Variants in BET1 observed in about 807,000 individuals in gnomAD.
The protein encoded by BET1 is BET1 homolog.
Under a neutral mutation model 13.9 loss-of-function variants are expected in BET1, and 9 were observed. The ratio of observed to expected loss-of-function variants is 0.65; its 90% CI spans 0.39 to 1.13. The LOEUF is 1.13. BET1 is among the 50% of genes most tolerant of loss of function. The pLI is 0.01. For synonymous variants in BET1, 39 were observed against 47.3 expected (o/e 0.82, Z 0.72); for missense variants, 127 against 133.6 (o/e 0.95, Z 0.24).
intron 4 of BET1, among the ~76,000 whole-genome samples, chr7:93,977,986 T>G (rs745782575): frequency 7.2e-5 from 11 of 152,146 alleles, no homozygotes; most frequent in Non-Finnish European, 1.3e-4. Flanking sequence ...TACTAGCATC[T>G]GAGGCCATAA....
intron 4 of BET1, among the ~76,000 whole-genome samples, chr7:93,985,962 T>C (rs1278807829): frequency 6.6e-6 from 1 of 152,214 alleles, no homozygotes; most frequent in Non-Finnish European, 1.5e-5. Flanking sequence ...GTGGTCCTCC[T>C]GTGATACTGA....
chr7:93,992,450 T>C (rs1415670133), downstream of BET1: 1 of 985,290 alleles, frequency 1.0e-6, no homozygotes, highest in Non-Finnish European at 1.2e-6. Flanking sequence ...TTTTAAGTCA[T>C]TTTCTTTGGC....
Position 93,975,462 on chromosome 7 carries a change from T to C in BET1, c.*48+442A>G, listed in dbSNP as rs529540623. On this transcript the variant is annotated intron_variant and NMD_transcript_variant, in intron 5 of 6. Transcript: ENST00000357520. ...TTTTCCAAAATCTCTACAATGAGCA[T>C]GTGATATTTAGAAAATGCATTACTA... is the stretch of plus-strand genomic sequence containing the variant. Among the ~76,000 whole-genome samples, 15 of 152,212 alleles carry C rather than the reference T, an allele frequency of 9.9e-5. No homozygotes were observed. In the South Asian group the frequency reaches 2.7e-3, roughly 27 times the overall value.
intron 1 of BET1, among the ~76,000 whole-genome samples, chr7:94,002,376 T>C (rs760006705): frequency 3.3e-5 from 5 of 151,230 alleles, no homozygotes; most frequent in Non-Finnish European, 7.4e-5. Context: ...AAAGCCTTTG[T>C]CACTTCACAC....
chr7:93,985,089 C>T (rs139480563), intron 4 of BET1, among the ~76,000 whole-genome samples: 20 of 152,218 alleles, frequency 1.3e-4, no homozygotes, highest in African/African-American at 4.8e-4. Context: ...ATTCTCTCAC[C>T]TCTATATCTC....
At chr7:93,987,220 C>T (rs1795544769) in intron 4 of BET1, 1 of 151,884 alleles carries the variant, frequency 6.6e-6, no homozygotes, top group African/African-American at 2.4e-5. Context: ...CTTGAAATTG[C>T]AGTGGAAAGC....
chr7:93,964,639 A>T (rs1344560112), exon 7 of BET1: 2 of 152,060 alleles, frequency 1.3e-5, no homozygotes, highest in Non-Finnish European at 2.9e-5. Context: ...AAACAACCCC[A>T]TTAAAAGGTG....
chr7:93,978,817 A>G (rs186397244), intron 4 of BET1, among the ~76,000 whole-genome samples: 96 of 152,304 alleles, frequency 6.3e-4, no homozygotes, highest in African/African-American at 2.2e-3. Flanking sequence ...CCACACATTC[A>G]TTCTGGAAGC....
intron 3 of BET1, among the ~76,000 whole-genome samples, chr7:93,995,121 T>C (rs10236860): frequency 0.13 from 19,222 of 152,206 alleles, 3,537 homozygotes; most frequent in African/African-American, 0.4. Flanking sequence ...GTTGGGAGTA[T>C]AGGCGTGAGC....
At chr7:93,984,578 A>T (rs1036139313) in intron 4 of BET1, among the ~76,000 whole-genome samples, 5 of 147,032 alleles carry the variant, frequency 3.4e-5, no homozygotes, top group Admixed American at 6.8e-5. Flanking sequence ...GTCGTGGGTT[A>T]AAAAAAAAAA....
At chr7:93,994,487 T>C in intron 3 of BET1, 102 bp from the exon 4 acceptor site, 1 of 1,264,524 alleles carries the variant, frequency 7.9e-7, no homozygotes, top group Non-Finnish European at 1.1e-6. Context: ...ACATTTGTAA[T>C]GACAGTTTTG....
chr7:93,975,279 A>C (rs540628793), intron 5 of BET1, among the ~76,000 whole-genome samples: 1 of 152,226 alleles, frequency 6.6e-6, no homozygotes, highest in South Asian at 2.1e-4. Flanking sequence ...TTGACCATTA[A>C]AGCAACTGTA....
Position 94,004,308 on chromosome 7 carries a change from G to T in BET1, c.-92C>A. On this transcript the variant is annotated 5_prime_UTR_variant, in exon 1 of 4. Coordinates refer to ENST00000222547, the MANE Select transcript of BET1 (RefSeq NM_005868.6). Reference sequence around the variant, plus strand: ...ACCCGGACCGCGTCTTCAGTACCAGGGCCCAGCGAAACACCAACTTCTTCC... The same window carrying T: ...ACCCGGACCGCGTCTTCAGTACCAGTGCCCAGCGAAACACCAACTTCTTCC... The T allele has an allele frequency of 6.4e-7, 1 of 1,561,628 alleles. No individual in the cohort carries two copies. Among genetic ancestry groups the T allele is most frequent in the South Asian group, 1.1e-5 (1 of 89,888 alleles).
intron 6 of BET1, among the ~76,000 whole-genome samples, chr7:93,968,821 A>G (rs185870679): frequency 6.6e-6 from 1 of 151,978 alleles, no homozygotes; most frequent in Admixed American, 6.6e-5. Context: ...ACACATATAT[A>G]CAAAGTTCAA....
chr7:93,986,396 T>C (rs1300992146), intron 4 of BET1, among the ~76,000 whole-genome samples: 1 of 152,172 alleles, frequency 6.6e-6, no homozygotes, highest in Admixed American at 6.5e-5. Flanking sequence ...TTCTGAAAGT[T>C]GGAAACAAAA....
chr7:93,986,016 T>C (rs948516967), intron 4 of BET1, among the ~76,000 whole-genome samples: 1 of 152,202 alleles, frequency 6.6e-6, no homozygotes, highest in East Asian at 1.9e-4. Flanking sequence ...CTCACCCCAT[T>C]CTTCTTTCCT....
Position 93,982,322 on chromosome 7 carries a change from G to C in BET1, c.236-6222C>G, listed in dbSNP as rs576011600. Among the ~76,000 whole-genome samples the C allele has an allele frequency of 2.2e-4, 33 of 152,186 alleles. No homozygotes were observed. In the East Asian group the frequency reaches 5.4e-3, roughly 25 times the overall value. Reference sequence around the variant, plus strand: ...ATAGTTCCAATGGTCTTGGAAGCCAGGAATTCTCTCACTCTGCCATCCCAT... The same window carrying C: ...ATAGTTCCAATGGTCTTGGAAGCCACGAATTCTCTCACTCTGCCATCCCAT... On this transcript the variant is annotated intron_variant and NMD_transcript_variant, in intron 4 of 6. Transcript: ENST00000357520.
intron 4 of BET1, among the ~76,000 whole-genome samples, chr7:93,980,975 T>C (rs961035796): frequency 3.3e-5 from 5 of 152,320 alleles, no homozygotes; most frequent in Admixed American, 2.6e-4. Flanking sequence ...CATTTACGTA[T>C]CTTAGTATCA....
At chr7:94,000,757 G>T (rs183964175) in intron 1 of BET1, among the ~76,000 whole-genome samples, 1 of 152,126 alleles carries the variant, frequency 6.6e-6, no homozygotes, top group Non-Finnish European at 1.5e-5. Flanking sequence ...TGAAGATCTG[G>T]ATTATGGGGA....
Sources: allele counts gnomAD v4.1 joint callset (sites outside exome capture counted in the v4.1 genomes callset), GRCh38; gene constraint gnomAD v4.1.1; transcripts MANE v1.5; gene names NCBI Gene and HGNC (gene_info 2026-07-23, HGNC 2026-07-21).